Variants in SETBP1 observed in about 807,000 individuals in gnomAD.
SETBP1 encodes the protein SET-binding protein.
Under a neutral mutation model 101.0 loss-of-function variants are expected in SETBP1, and 9 were observed. The observed-to-expected ratio is 0.09, with a 90% CI of 0.05 to 0.16. SETBP1 has a LOEUF of 0.16. Ranked by LOEUF, SETBP1 falls within the 10% of genes least tolerant of loss-of-function variation. The pLI, the probability that SETBP1 is intolerant of heterozygous loss-of-function variation, is 1.00. For synonymous variants in SETBP1, 818 were observed against 788.5 expected, an observed-to-expected ratio of 1.04 and a Z score of -0.63; for missense variants, 1,858 against 2,033.8, an observed-to-expected ratio of 0.91 and a Z score of 1.66.
intron 2 of SETBP1, among the ~76,000 whole-genome samples, chr18:44,811,102 C>G (rs2071852799): frequency 6.6e-6 from 1 of 152,174 alleles, no homozygotes; most frequent in South Asian, 2.1e-4. Context: ...GAGAACAATT[C>G]TATTGCTTAT....
chr18:44,929,284 A>C (rs1308458126), intron 3 of SETBP1, among the ~76,000 whole-genome samples: 1 of 152,174 alleles, frequency 6.6e-6, no homozygotes, highest in South Asian at 2.1e-4. Flanking sequence ...ACTCTGTTCC[A>C]TTGGTCTATA....
In SETBP1 at chr18:45,063,574, A is replaced by G; in HGVS notation, c.4667A>G (p.Lys1556Arg). 1 of 1,460,044 alleles carries G rather than the reference A, an allele frequency of 6.8e-7. No individual in the cohort carries two copies. The highest frequency in any genetic ancestry group is 9.2e-7 in the Non-Finnish European group (1 of 1,085,824). 90.4% of individuals were successfully genotyped at this position (1,460,044 alleles called of 1,614,324 possible). ...KTPRGGKRKH[K>R]PQAPAQPPQQ... ...CCCCGAGGCGGAAAGAGGAAACACA[A>G]ACCGCAGGCCCCCGCTCAGCCCCCA... Residue 1556 changes from lysine (K) to arginine (R), a missense_variant, in exon 6 of 6, where the codon AAA (lysine) becomes AGA (arginine). By Grantham distance (26) the Lys-to-Arg change is conservative. Coordinates refer to ENST00000649279, the MANE Select transcript of SETBP1 (RefSeq NM_015559.3).
At chr18:44,977,546 G>A (rs1447528783) in intron 4 of SETBP1, among the ~76,000 whole-genome samples, 2 of 152,256 alleles carry the variant, frequency 1.3e-5, no homozygotes, top group Admixed American at 1.3e-4. Flanking sequence ...ACCCTGATAT[G>A]TTGGTTTAAT....
intron 2 of SETBP1, among the ~76,000 whole-genome samples, chr18:44,790,230 C>A (rs1950664429): frequency 6.6e-6 from 1 of 151,950 alleles, no homozygotes; most frequent in South Asian, 2.1e-4. Context: ...AATAACACAA[C>A]AACAATTAAA....
At chr18:44,805,123 A>G (rs989833086) in intron 2 of SETBP1, among the ~76,000 whole-genome samples, 1 of 152,158 alleles carries the variant, frequency 6.6e-6, no homozygotes, top group African/African-American at 2.4e-5. Context: ...TTGTCCATAC[A>G]ACTAAAGTCT....
intron 2 of SETBP1, among the ~76,000 whole-genome samples, chr18:44,708,601 G>T (rs1211135574): frequency 6.6e-6 from 1 of 152,206 alleles, no homozygotes; most frequent in Non-Finnish European, 1.5e-5. Context: ...CATTGGACAT[G>T]TCAGCTGAAA....
At chr18:44,837,600 A>C (rs1259351751) in intron 2 of SETBP1, among the ~76,000 whole-genome samples, 3 of 152,208 alleles carry the variant, frequency 2.0e-5, no homozygotes, top group African/African-American at 7.2e-5. Context: ...GCTCAGCCTC[A>C]GCACACTGGA....
intron 2 of SETBP1, among the ~76,000 whole-genome samples, chr18:44,834,743 T>C (rs879699489): frequency 1.1e-3 from 163 of 151,840 alleles, no homozygotes; most frequent in Non-Finnish European, 2.6e-4. Flanking sequence ...CCTCAAGGAG[T>C]TGTGTAGAAA....
At chr18:44,712,685 A>G (rs1312865276) in intron 2 of SETBP1, among the ~76,000 whole-genome samples, 2 of 152,090 alleles carry the variant, frequency 1.3e-5, no homozygotes, top group Non-Finnish European at 2.9e-5. Flanking sequence ...GATAAATGGC[A>G]GGGCAGTGTT....
At chr18:44,689,976 C>A (rs946865305) in intron 1 of SETBP1, among the ~76,000 whole-genome samples, 2 of 152,146 alleles carry the variant, frequency 1.3e-5, no homozygotes, top group African/African-American at 4.8e-5. Flanking sequence ...TCAGAGACTT[C>A]CACACATAGC....
At chr18:44,798,195 C>T (rs546737015) in intron 2 of SETBP1, among the ~76,000 whole-genome samples, 35 of 152,162 alleles carry the variant, frequency 2.3e-4, no homozygotes, top group African/African-American at 8.2e-4. Flanking sequence ...CTGTTCCCTC[C>T]CAAGAAATAA....
chr18:44,948,778 C>T (rs1459725489), intron 3 of SETBP1, among the ~76,000 whole-genome samples: 1 of 152,184 alleles, frequency 6.6e-6, no homozygotes, highest in Non-Finnish European at 1.5e-5. Context: ...TTAAAAGTAG[C>T]TTTAATATCT....
chr18:44,806,623 CTTTTTTTTTTTTTTTTTTTTTT>C (rs71177656), intron 2 of SETBP1, among the ~76,000 whole-genome samples: 568 of 27,828 alleles, frequency 0.02, 10 homozygotes, highest in African/African-American at 0.061. Flanking sequence ...TAATGAGCTC[CTTTTTTTTTTTTTTTTTTTTTT>C]TTTTTTTTTT....
At chr18:44,876,423 A>G (rs2069404957) in intron 3 of SETBP1, 1 of 620,876 alleles carries the variant, frequency 1.6e-6, no homozygotes, top group East Asian at 2.8e-5. Context: ...TTGGCTGCAG[A>G]CAGGAATTAT....
rs771566400 is a variant in SETBP1, at chr18:44,952,640, C to T, written c.3300C>T (p.His1100=). 38 of 1,613,870 alleles carry T rather than the reference C, an allele frequency of 2.4e-5. No individual in the cohort carries two copies. The highest frequency in any genetic ancestry group is 6.7e-5 in the African/African-American group (5 of 74,902). ...CACCTCAGTTCCACACAAACTCCCA[C>T]GTAAAGATGTCCGGTGCAGCTAAGC... The part of the protein sequence containing the change: ...VPPPQFHTNS[H]VKMSGAAKHK... Residue 1100 remains histidine (H), a synonymous_variant, in exon 4 of 6, where the codon CAC becomes CAT. Coordinates refer to ENST00000649279, the MANE Select transcript of SETBP1 (RefSeq NM_015559.3).
At chr18:44,787,656 C>T (rs2071267250) in intron 2 of SETBP1, among the ~76,000 whole-genome samples, 1 of 148,630 alleles carries the variant, frequency 6.7e-6, no homozygotes, top group African/African-American at 2.5e-5. Context: ...AGATCGAGAC[C>T]ATCCTGGCTA....
chr18:44,920,952 G>A (rs539017561), intron 3 of SETBP1, among the ~76,000 whole-genome samples: 2 of 152,280 alleles, frequency 1.3e-5, no homozygotes, highest in South Asian at 4.2e-4. Context: ...AATAATTACA[G>A]GAATATGGTG....
Position 44,953,105 on chromosome 18 carries a change from T to C in SETBP1, c.3765T>C (p.Pro1255=). Residue 1255 remains proline, a synonymous_variant, in exon 4 of 6, where the codon CCT becomes CCC. Coordinates refer to ENST00000649279, the MANE Select transcript of SETBP1 (RefSeq NM_015559.3). ...AKEKGDLSSE[P]VDSCTKRYSG... ...AAAAAGGAGACTTGAGCAGTGAGCC[T>C]GTGGACTCATGCACGAAAAGATACT... is the stretch of plus-strand genomic sequence containing the variant. The C allele has an allele frequency of 1.2e-6, 2 of 1,614,174 alleles. No homozygotes were observed. Among genetic ancestry groups the C allele is most frequent in the Non-Finnish European group, 1.7e-6 (2 of 1,180,028 alleles).
intron 3 of SETBP1, among the ~76,000 whole-genome samples, chr18:44,900,610 C>T (rs1350704278): frequency 6.6e-6 from 1 of 152,180 alleles, no homozygotes; most frequent in East Asian, 1.9e-4. Context: ...CAATGAATGC[C>T]ACAGAACATT....
Sources: allele counts gnomAD v4.1 joint callset (sites outside exome capture counted in the v4.1 genomes callset), GRCh38; gene constraint gnomAD v4.1.1; transcripts MANE v1.5; gene names NCBI Gene and HGNC (gene_info 2026-07-23, HGNC 2026-07-21).